The following MITF variants were observed in gnomAD, a reference collection of about 807,000 sequenced individuals.
The protein encoded by MITF is melanocyte inducing transcription factor.
MITF carries 17 observed loss-of-function variants against 60.5 expected under a neutral mutation model. The ratio of observed to expected loss-of-function variants is 0.28; its 90% CI spans 0.19 to 0.42. The LOEUF (loss-of-function observed/expected upper bound fraction) is 0.42. Among genes scored for constraint, MITF ranks in the 10% least tolerant of loss-of-function variants. The pLI is 1.00. For synonymous variants in MITF, 260 were observed against 248.5 expected, an observed-to-expected ratio of 1.05 and a Z score of -0.43; for missense variants, 622 against 683.5, an observed-to-expected ratio of 0.91 and a Z score of 1.00.
chr3:69,900,298 G>A (rs779181831), intron 2 of MITF, among the ~76,000 whole-genome samples: 8 of 152,028 alleles, frequency 5.3e-5, no homozygotes, highest in Non-Finnish European at 7.4e-5. Context: ...AATAATAACC[G>A]TCCTCCATGG....
At chr3:69,900,371 CAACT>C (rs1169604519) in intron 2 of MITF, among the ~76,000 whole-genome samples, 5 of 152,152 alleles carry the variant, frequency 3.3e-5, no homozygotes, top group Non-Finnish European at 7.3e-5. Flanking sequence ...CTGAACCAAC[CAACT>C]CTCTTCCTTT....
intron 2 of MITF, among the ~76,000 whole-genome samples, chr3:69,934,524 T>C (rs1430044114): frequency 1.3e-5 from 2 of 152,218 alleles, no homozygotes; most frequent in African/African-American, 4.8e-5. Flanking sequence ...TCTCATTTAA[T>C]GCAGAAAACA....
chr3:69,759,999 C>T (rs182062961), intron 1 of MITF, among the ~76,000 whole-genome samples: 5 of 152,246 alleles, frequency 3.3e-5, no homozygotes, highest in East Asian at 1.9e-4. Flanking sequence ...AGGGTGGTCT[C>T]GATCTCCTGA....
At chr3:69,819,351 T>C (rs947109096) in intron 1 of MITF, among the ~76,000 whole-genome samples, 1 of 152,106 alleles carries the variant, frequency 6.6e-6, no homozygotes, top group Non-Finnish European at 1.5e-5. Flanking sequence ...CTGGGAAAAA[T>C]GAAGTTCAGA....
chr3:69,897,060 T>C (rs554923453), intron 2 of MITF, among the ~76,000 whole-genome samples: 1 of 152,036 alleles, frequency 6.6e-6, no homozygotes, highest in South Asian at 2.1e-4. Flanking sequence ...TAGCAGAAGG[T>C]AGGACTAGGA....
chr3:69,848,194 T>C (rs2063764376), intron 1 of MITF, among the ~76,000 whole-genome samples: 1 of 152,244 alleles, frequency 6.6e-6, no homozygotes, highest in Non-Finnish European at 1.5e-5. Context: ...CTTTCATTTG[T>C]GTGCTTTTCA....
intron 1 of MITF, among the ~76,000 whole-genome samples, chr3:69,869,331 C>G (rs533141841): frequency 1.3e-5 from 2 of 152,290 alleles, no homozygotes; most frequent in South Asian, 4.1e-4. Context: ...CCCTCATTCT[C>G]ATGGTTCAGG....
At chr3:69,879,046 G>T in intron 1 of MITF, 88 bp from the exon 2 acceptor site, 1 of 1,026,854 alleles carries the variant, frequency 9.7e-7, no homozygotes, top group Non-Finnish European at 1.5e-6. Flanking sequence ...TCATTTTATA[G>T]TTTGGTGCAA....
chr3:69,891,476 A>C (rs997284832), intron 2 of MITF, among the ~76,000 whole-genome samples: 42 of 152,294 alleles, frequency 2.8e-4, no homozygotes, highest in African/African-American at 9.9e-4. Context: ...CCTCGTTAGA[A>C]ATACAGATTC....
At chr3:69,766,750 C>T (rs780713208) in intron 1 of MITF, among the ~76,000 whole-genome samples, 36 of 152,088 alleles carry the variant, frequency 2.4e-4, no homozygotes, top group Non-Finnish European at 4.7e-4. Flanking sequence ...TTGCTCCCTC[C>T]TTCTGCTGCA....
At chr3:69,958,441 A>C (rs2066454421) in intron 8 of MITF, among the ~76,000 whole-genome samples, 1 of 152,178 alleles carries the variant, frequency 6.6e-6, no homozygotes, top group African/African-American at 2.4e-5. Flanking sequence ...GTTGTTCTTC[A>C]TGTAACCCAG....
intron 1 of MITF, among the ~76,000 whole-genome samples, chr3:69,840,857 G>A (rs1305483159): frequency 6.6e-6 from 1 of 151,294 alleles, no homozygotes; most frequent in Non-Finnish European, 1.5e-5. Context: ...CTAGGTTCAA[G>A]CAATTCCCGT....
chr3:69,893,356 T>C (rs749068311), intron 2 of MITF, among the ~76,000 whole-genome samples: 65 of 152,194 alleles, frequency 4.3e-4, no homozygotes, highest in South Asian at 1.7e-3. Flanking sequence ...TGCTATCTAG[T>C]TGCAGTGTTG....
intron 1 of MITF, among the ~76,000 whole-genome samples, chr3:69,753,086 G>A (rs1390574956): frequency 1.3e-5 from 2 of 152,246 alleles, no homozygotes; most frequent in African/African-American, 4.8e-5. Flanking sequence ...TAGGGGGACT[G>A]AGTCGTTTCC....
chr3:69,882,779 G>A (rs2064520080), intron 2 of MITF, among the ~76,000 whole-genome samples: 1 of 152,124 alleles, frequency 6.6e-6, no homozygotes, highest in Non-Finnish European at 1.5e-5. Flanking sequence ...TAGTCACCAA[G>A]CATCTGTTTT....
chr3:69,823,002 C>T (rs1454926741), intron 1 of MITF, among the ~76,000 whole-genome samples: 1 of 151,512 alleles, frequency 6.6e-6, no homozygotes, highest in Non-Finnish European at 1.5e-5. Context: ...CTTCAGCCTT[C>T]TGAGTAGCTG....
intron 1 of MITF, among the ~76,000 whole-genome samples, chr3:69,829,168 A>T (rs1411717658): frequency 6.6e-6 from 1 of 152,160 alleles, no homozygotes; most frequent in African/African-American, 2.4e-5. Context: ...TTTGTTTTTC[A>T]TCTCATTTGT....
chr3:69,807,892 ACT>A (rs1393465635), intron 1 of MITF, among the ~76,000 whole-genome samples: 1 of 151,650 alleles, frequency 6.6e-6, no homozygotes, highest in Non-Finnish European at 1.5e-5. Context: ...ATATTTGATG[ACT>A]CTGTTTGTTT....
At chr3:69,869,111 T>A (rs2064173541) in intron 1 of MITF, among the ~76,000 whole-genome samples, 1 of 152,180 alleles carries the variant, frequency 6.6e-6, no homozygotes, top group African/African-American at 2.4e-5. Context: ...GCACCAACTC[T>A]AAGGTTCTAG....
Sources: allele counts gnomAD v4.1 joint callset (sites outside exome capture counted in the v4.1 genomes callset), GRCh38; gene constraint gnomAD v4.1.1; transcripts MANE v1.5; gene names NCBI Gene and HGNC (gene_info 2026-07-23, HGNC 2026-07-21).